Variants in MYT1L observed in about 807,000 individuals in gnomAD.
The protein encoded by MYT1L is myelin transcription factor 1-like protein.
A neutral mutation model predicts 126.7 loss-of-function variants in MYT1L; 12 were observed. The ratio of observed to expected loss-of-function variants is 0.09; its 90% CI spans 0.06 to 0.15. MYT1L has a LOEUF of 0.15. Among genes scored for constraint, MYT1L ranks in the 10% least tolerant of loss-of-function variants. The probability of loss-of-function intolerance (pLI) is 1.00; values close to 1 mark genes in which losing one functional copy is unlikely to be tolerated. For missense variants in MYT1L, 979 were observed against 1,585.2 expected, an observed-to-expected ratio of 0.62 and a Z score of 6.49; for synonymous variants, 541 against 604.2, an observed-to-expected ratio of 0.90 and a Z score of 1.53.
At chr2:2,236,751 T>G (rs2094318648) in intron 2 of MYT1L, among the ~76,000 whole-genome samples, 1 of 149,212 alleles carries the variant, frequency 6.7e-6, no homozygotes, top group Non-Finnish European at 1.5e-5. Flanking sequence ...GACTCATTGG[T>G]TGTCCTTTCT....
chr2:2,174,991 G>A (rs1201157668), intron 2 of MYT1L, among the ~76,000 whole-genome samples: 1 of 152,116 alleles, frequency 6.6e-6, no homozygotes, highest in African/African-American at 2.4e-5. Context: ...CAGCAAGTGA[G>A]CCATGAGTAG....
At chr2:2,286,619 T>C (rs1300007209) in intron 1 of MYT1L, among the ~76,000 whole-genome samples, 1 of 152,224 alleles carries the variant, frequency 6.6e-6, no homozygotes, top group Non-Finnish European at 1.5e-5. Flanking sequence ...CGGGTTAAAG[T>C]GTACTTGCCT....
intron 15 of MYT1L, among the ~76,000 whole-genome samples, chr2:1,891,267 T>C (rs1034292957): frequency 2.0e-5 from 3 of 152,202 alleles, no homozygotes; most frequent in Admixed American, 2.0e-4. Flanking sequence ...TGGAGAGCCC[T>C]TTGTTTATCA....
At chr2:2,251,251 G>T (rs1210385198) in intron 2 of MYT1L, among the ~76,000 whole-genome samples, 3 of 151,952 alleles carry the variant, frequency 2.0e-5, no homozygotes, top group African/African-American at 7.3e-5. Context: ...TCTTTAATTT[G>T]CTTACAATGA....
At chr2:1,920,149 A>T (rs1441456014) in intron 10 of MYT1L, among the ~76,000 whole-genome samples, 1 of 152,194 alleles carries the variant, frequency 6.6e-6, no homozygotes, top group African/African-American at 2.4e-5. Context: ...GTGAGACTGG[A>T]GTCAAGGCCT....
chr2:2,108,148 T>C (rs529534855), intron 3 of MYT1L, among the ~76,000 whole-genome samples: 2 of 152,170 alleles, frequency 1.3e-5, no homozygotes, highest in Non-Finnish European at 2.9e-5. Context: ...GTCCGTGCTG[T>C]GAACGCCTCA....
intron 2 of MYT1L, among the ~76,000 whole-genome samples, chr2:2,216,913 T>C (rs752019572): frequency 2.2e-4 from 33 of 152,058 alleles, no homozygotes; most frequent in Admixed American, 2.6e-4. Context: ...ATGAATAAAT[T>C]CAATAACTTA....
intron 4 of MYT1L, among the ~76,000 whole-genome samples, chr2:2,001,237 C>CTTTTTTTTTTTTTTTTGTTTTTTTTTT (rs11389323): frequency 2.9e-5 from 3 of 103,910 alleles, no homozygotes; most frequent in Admixed American, 2.0e-4. Context: ...TTGGTTTTAG[C>CTTTTTTTTTTTTTTTTGTTTTTTTTTT]TTTTTTTTTT....
intron 8 of MYT1L, among the ~76,000 whole-genome samples, chr2:1,975,291 GC>G (rs2060085485): frequency 6.6e-6 from 1 of 152,238 alleles, no homozygotes; most frequent in African/African-American, 2.4e-5. Flanking sequence ...GAGACCCACA[GC>G]AGATCCCGCA....
chr2:1,947,524 G>C (rs1340032494), intron 8 of MYT1L, among the ~76,000 whole-genome samples: 3 of 152,166 alleles, frequency 2.0e-5, no homozygotes, highest in East Asian at 3.9e-4. Flanking sequence ...ACATGTCTGG[G>C]CCATCGAGGC....
intron 3 of MYT1L, among the ~76,000 whole-genome samples, chr2:2,146,616 G>A (rs1229067718): frequency 6.6e-6 from 1 of 152,200 alleles, no homozygotes; most frequent in Non-Finnish European, 1.5e-5. Flanking sequence ...GTCCAAAGGA[G>A]GGCCGGCTTG....
At chr2:1,992,119 C>T (rs1052679364) in intron 5 of MYT1L, among the ~76,000 whole-genome samples, 3 of 152,134 alleles carry the variant, frequency 2.0e-5, no homozygotes, top group Non-Finnish European at 4.4e-5. Context: ...CCTTCCTCAC[C>T]GTTTTGCAAA....
At chr2:2,096,548 T>C (rs778803431) in intron 3 of MYT1L, among the ~76,000 whole-genome samples, 37 of 152,180 alleles carry the variant, frequency 2.4e-4, no homozygotes, top group Non-Finnish European at 4.1e-4. Flanking sequence ...CTGTGCACTC[T>C]AACTTTAAAT....
At chr2:1,933,178 C>A (rs2055254937) in intron 9 of MYT1L, among the ~76,000 whole-genome samples, 1 of 141,420 alleles carries the variant, frequency 7.1e-6, no homozygotes, top group South Asian at 2.3e-4. Flanking sequence ...ATGGACCAGG[C>A]AGCTTCCACA....
chr2:1,869,483 G>A (rs1281363510), intron 18 of MYT1L, among the ~76,000 whole-genome samples: 3 of 152,248 alleles, frequency 2.0e-5, no homozygotes, highest in African/African-American at 2.4e-5. Flanking sequence ...GTGCCTGCAT[G>A]TGGTCGGTGT....
intron 19 of MYT1L, chr2:1,842,924 T>C (rs1263098271): frequency 1.1e-5 from 2 of 178,794 alleles, no homozygotes; most frequent in Admixed American, 6.5e-5. Flanking sequence ...CGCTTCCGCT[T>C]CCAGGCGCTT....
At chr2:2,156,488 T>C (rs1309837127) in intron 3 of MYT1L, among the ~76,000 whole-genome samples, 2 of 152,246 alleles carry the variant, frequency 1.3e-5, no homozygotes, top group Admixed American at 6.5e-5. Context: ...ATGTAAAATA[T>C]GTTTACTAAA....
Position 2,212,604 on chromosome 2 carries a change from C to T in MYT1L, c.-420-39616G>A, listed in dbSNP as rs146426471. 6.6e-5 allele frequency among the ~76,000 whole-genome samples: 10 copies of T among 152,248 alleles called. No homozygotes were observed. In the East Asian group the frequency reaches 1.9e-3, roughly 29 times the overall value. On this transcript the variant is annotated intron_variant, in intron 2 of 24. Transcript: ENST00000647738. ...TTAAGTTGTATAGACGGGATTAGTA[C>T]TAATTAGTAATATTGTTTCATGACT... is the stretch of plus-strand genomic sequence containing the variant.
intron 22 of MYT1L, among the ~76,000 whole-genome samples, chr2:1,802,262 C>T (rs183835715): frequency 6.6e-5 from 10 of 152,266 alleles, no homozygotes; most frequent in East Asian, 1.9e-4. Flanking sequence ...CAGGTCCTCC[C>T]GCCCTCACTC....
Sources: gnomAD v4.1 joint callset for allele counts (sites outside exome capture counted in the v4.1 genomes callset) on GRCh38, gnomAD v4.1.1 for gene constraint, MANE v1.5 for transcripts, NCBI Gene and HGNC (gene_info 2026-07-23, HGNC 2026-07-21) for gene names.